The following DNAH5 variants were observed in gnomAD, a reference collection of about 807,000 sequenced individuals.
DNAH5 encodes the protein dynein axonemal heavy chain 5, also known as axonemal beta dynein heavy chain 5.
In DNAH5, 372 loss-of-function variants were observed where a neutral mutation model predicts 518.2. The observed-to-expected ratio is 0.72, with a 90% CI of 0.66 to 0.78. The LOEUF is 0.78. DNAH5 is among the 30% of genes least tolerant of loss of function. DNAH5 has a pLI of 0.00. For synonymous variants in DNAH5, 2,039 were observed against 2,025.9 expected, an observed-to-expected ratio of 1.01 and a Z score of -0.17; for missense variants, 5,523 against 5,687.0, an observed-to-expected ratio of 0.97 and a Z score of 0.93.
At chr5:13,731,958 C>T (rs886916998) in intron 68 of DNAH5, among the ~76,000 whole-genome samples, 1 of 152,068 alleles carries the variant, frequency 6.6e-6, no homozygotes. Context: ...CATAATGAGA[C>T]TTCATCTCTA....
chr5:13,908,035 C>T (rs775230216), intron 12 of DNAH5, among the ~76,000 whole-genome samples: 1 of 152,096 alleles, frequency 6.6e-6, no homozygotes, highest in African/African-American at 2.4e-5. Context: ...ACAGGAGATA[C>T]GACCTGTGGA....
chr5:13,714,999 T>G (rs1744103236), intron 74 of DNAH5, among the ~76,000 whole-genome samples: 1 of 152,144 alleles, frequency 6.6e-6, no homozygotes, highest in African/African-American at 2.4e-5. Flanking sequence ...GTTATTATGT[T>G]TAGAAGATAC....
Position 13,841,009 on chromosome 5 carries a change from G to A in DNAH5, c.5606C>T (p.Thr1869Ile), listed in dbSNP as rs1286610541. Residue 1869 changes from threonine to isoleucine, a missense_variant, in exon 34 of 79, where the codon ACA becomes ATA. By Grantham distance (89) the Thr-to-Ile change is moderately conservative. This residue lies in a region of DNAH5 where 5,121 missense variants were observed against 5,223.3 expected (regional missense o/e 0.98). Coordinates refer to ENST00000265104, the MANE Select transcript of DNAH5 (RefSeq NM_001369.3). The part of the protein sequence containing the change: ...TNQAFLELLN[T>I]LIDVTTRDLS... ...ATCCCTCGTGGTGACGTCTATCAAT[G>A]TATTGAGTAGCTCCAGGAAAGCCTG... 1.2e-6 allele frequency: 2 copies of A among 1,614,026 alleles called. No individual in the cohort carries two copies. Among genetic ancestry groups the A allele is most frequent in the African/African-American group, 1.3e-5 (1 of 74,934 alleles).
chr5:13,777,044 T>C (rs1754193992), intron 54 of DNAH5, among the ~76,000 whole-genome samples, 158 bp downstream of exon 54: 1 of 152,128 alleles, frequency 6.6e-6, no homozygotes, highest in South Asian at 2.1e-4. Context: ...AGTTTTATTC[T>C]TCAAAAACCC....
intron 75 of DNAH5, among the ~76,000 whole-genome samples, chr5:13,709,915 A>G (rs2126465227): frequency 6.6e-6 from 1 of 152,226 alleles, no homozygotes; most frequent in African/African-American, 2.4e-5. Context: ...TAATCTTGGG[A>G]GTTCTAGGGC....
intron 65 of DNAH5, among the ~76,000 whole-genome samples, chr5:13,740,529 C>G (rs1315683730): frequency 1.3e-5 from 2 of 152,186 alleles, no homozygotes; most frequent in African/African-American, 4.8e-5. Context: ...CAGTGGTTTT[C>G]AAATTTCAGT....
upstream of DNAH5, among the ~76,000 whole-genome samples, chr5:13,947,102 G>A (rs950362887): frequency 6.6e-6 from 1 of 152,032 alleles, no homozygotes; most frequent in Non-Finnish European, 1.5e-5. Flanking sequence ...GCCTTTACTG[G>A]GGGTAGATAT....
At chr5:13,941,482 G>C (rs1779454817) in intron 1 of DNAH5, among the ~76,000 whole-genome samples, 1 of 152,200 alleles carries the variant, frequency 6.6e-6, no homozygotes, top group Non-Finnish European at 1.5e-5. Flanking sequence ...TTGTTGACTT[G>C]GCCAAACAGG....
intron 1 of DNAH5, among the ~76,000 whole-genome samples, chr5:13,973,592 T>C (rs777619481): frequency 6.6e-6 from 1 of 152,156 alleles, no homozygotes; most frequent in African/African-American, 2.4e-5. Context: ...ATGTTAATTA[T>C]AGGACCCAAA....
chr5:13,962,800 CAGCT>C (rs1781270005), intron 1 of DNAH5, among the ~76,000 whole-genome samples: 1 of 152,142 alleles, frequency 6.6e-6, no homozygotes, highest in Non-Finnish European at 1.5e-5. Context: ...GCCAAGAACC[CAGCT>C]AGTCAAAAAG....
At position 13,862,610 on chromosome 5, in the gene DNAH5, G is replaced by A. The variant is rs1262936865; in HGVS notation, c.4734C>T (p.Thr1578=). ...CCTCCATGTTGGCGATGATTTCCGA[G>A]GTACTGTCTCCTCTCAAGAGGAGCT... ...RGELLLRGDS[T]SEIIANMEDS... is the part of the protein sequence containing the mutation. Residue 1578 remains threonine, a synonymous_variant, in exon 29 of 79, where the codon ACC becomes ACT. Transcript: ENST00000265104. 3.1e-6 allele frequency: 5 copies of A among 1,613,964 alleles called. No individual in the cohort carries two copies. Among genetic ancestry groups the A allele is most frequent in the South Asian group, 1.1e-5 (1 of 91,064 alleles).
At chr5:13,719,968 A>G (rs1463524816) in intron 71 of DNAH5, among the ~76,000 whole-genome samples, 1 of 152,206 alleles carries the variant, frequency 6.6e-6, no homozygotes, top group East Asian at 1.9e-4. Flanking sequence ...ATGTAACAAT[A>G]ATTTCCTCAA....
At chr5:13,728,553 G>A (rs780446349) in intron 69 of DNAH5, among the ~76,000 whole-genome samples, 30 of 152,130 alleles carry the variant, frequency 2.0e-4, no homozygotes, top group Non-Finnish European at 3.4e-4. Context: ...AATGGTCTAG[G>A]CAAGGCCACT....
In DNAH5 at chr5:13,906,851, T is replaced by G. The variant is rs569735348; in HGVS notation, c.1644+4535A>C. On this transcript the variant is annotated intron_variant, in intron 12 of 78. Transcript: ENST00000265104. ...GACCCTTCGTGGAAAAGATATAGAC[T>G]TTCATGCACCTATTTTAAAGAGAAA... 4.6e-5 allele frequency among the ~76,000 whole-genome samples: 7 copies of G among 152,190 alleles called. No individual in the cohort carries two copies. The South Asian group carries it at 1.5e-3, about 32-fold the overall frequency.
chr5:13,811,687 G>A lies in DNAH5; in HGVS notation c.7367C>T (p.Thr2456Ile). ...KMEVLEAFVI[T>I]QSINMLQGLI... ...GCCTTGAAGCATGTTAATGCTCTGTGTGATGACAAAGGCCTCCAGCACCTC... is the reference window on the plus strand; with the variant it reads ...GCCTTGAAGCATGTTAATGCTCTGTATGATGACAAAGGCCTCCAGCACCTC... Residue 2456 changes from threonine to isoleucine, a missense_variant, in exon 44 of 79, where the codon ACA becomes ATA. By Grantham distance (89) the Thr-to-Ile change is moderately conservative (BLOSUM62 -1). Transcript: ENST00000265104. 3.1e-6 allele frequency: 5 copies of A among 1,614,170 alleles called. No homozygotes were observed. Among genetic ancestry groups the A allele is most frequent in the Non-Finnish European group, 4.2e-6 (5 of 1,180,030 alleles).
intron 47 of DNAH5, among the ~76,000 whole-genome samples, chr5:13,799,209 C>CCT (rs1758344649): frequency 7.3e-6 from 1 of 137,858 alleles, no homozygotes; most frequent in Non-Finnish European, 1.6e-5. Flanking sequence ...ATTTCATACC[C>CCT]CCCCCCACAA....
chr5:13,762,002 G>T (rs1751851145), intron 60 of DNAH5, among the ~76,000 whole-genome samples: 1 of 152,186 alleles, frequency 6.6e-6, no homozygotes. Flanking sequence ...ATGATTAAGA[G>T]AGATGAGACT....
At chr5:13,795,945 A>C (rs1033186818) in intron 47 of DNAH5, among the ~76,000 whole-genome samples, 1 of 152,218 alleles carries the variant, frequency 6.6e-6, no homozygotes, top group Non-Finnish European at 1.5e-5. Flanking sequence ...CCAACAACAA[A>C]AACCACATGA....
rs556609152 is a variant in DNAH5, at chr5:13,799,980, AAAC to A, written c.7888-5925_7888-5923del. Among the ~76,000 whole-genome samples, 301 of 152,314 alleles carry A rather than the reference AAAC, an allele frequency of 2.0e-3. 2 individuals are homozygous for A. Among genetic ancestry groups the A allele is most frequent in the South Asian group, 9.3e-3 (45 of 4,826 alleles). On this transcript the variant is annotated intron_variant, in intron 47 of 78. Coordinates refer to ENST00000265104, the MANE Select transcript of DNAH5 (RefSeq NM_001369.3). The stretch of plus-strand genomic sequence containing the variant: ...TCATATTTATACAATTTTGTGCATG[AAAC>A]AACATTCGTGTATATTGAACAATAT...
Sources: gnomAD v4.1 joint callset for allele counts (sites outside exome capture counted in the v4.1 genomes callset) on GRCh38, gnomAD v4.1.1 for gene constraint, gnomAD v4.1.1 regional missense constraint, MANE v1.5 for transcripts, NCBI Gene and HGNC (gene_info 2026-07-23, HGNC 2026-07-21) for gene names.